The following PTPRD variants were observed in gnomAD, a reference collection of about 807,000 sequenced individuals.
PTPRD encodes protein tyrosine phosphatase receptor type D.
Under a neutral mutation model 214.5 loss-of-function variants are expected in PTPRD, and 34 were observed. That is an observed-to-expected ratio of 0.16 (90% CI 0.12 to 0.21). The LOEUF is 0.21. Ranked by LOEUF, PTPRD falls within the 10% of genes least tolerant of loss-of-function variation. PTPRD has a pLI of 1.00. For synonymous variants in PTPRD, 1,128 were observed against 845.7 expected (o/e 1.33, Z -5.79); for missense variants, 2,545 against 2,398.7 (o/e 1.06, Z -1.27).
chr9:9,598,979 C>T lies in PTPRD; in HGVS notation c.-286-24198G>A, dbSNP rs138643523. On this transcript the variant is annotated intron_variant, in intron 7 of 45. Coordinates refer to ENST00000381196, the MANE Select transcript of PTPRD (RefSeq NM_002839.4). ...CTAAGCCCCTCATATTGTACTCTTT[C>T]GAACTAATACATGAGAATAATATTT... Among the ~76,000 whole-genome samples the T allele has an allele frequency of 5.6e-4, 85 of 151,990 alleles. No homozygotes were observed. The East Asian group carries it at 0.014, about 25-fold the overall frequency.
chr9:8,379,566 G>A (rs901840758), intron 37 of PTPRD, among the ~76,000 whole-genome samples: 1 of 152,098 alleles, frequency 6.6e-6, no homozygotes, highest in Admixed American at 6.6e-5. Context: ...TTCCTCATTA[G>A]CCAGTATAAA....
chr9:8,554,533 A>C (rs1360041100), intron 14 of PTPRD, among the ~76,000 whole-genome samples: 3 of 152,204 alleles, frequency 2.0e-5, no homozygotes, highest in Admixed American at 6.5e-5. Flanking sequence ...CATAAAAAGA[A>C]GAAAAGTGGT....
At chr9:9,592,509 G>A (rs891884392) in intron 7 of PTPRD, among the ~76,000 whole-genome samples, 6 of 151,974 alleles carry the variant, frequency 3.9e-5, no homozygotes, top group Admixed American at 1.3e-4. Flanking sequence ...GTAGGAGAAG[G>A]TAATAAAAAC....
chr9:9,075,261 C>G (rs2099749373), intron 10 of PTPRD, among the ~76,000 whole-genome samples: 1 of 151,922 alleles, frequency 6.6e-6, no homozygotes, highest in Non-Finnish European at 1.5e-5. Flanking sequence ...ATGGGTATAT[C>G]CCATCACCTC....
chr9:10,536,143 C>T (rs1010552620), intron 2 of PTPRD, among the ~76,000 whole-genome samples: 1 of 152,072 alleles, frequency 6.6e-6, no homozygotes, highest in African/African-American at 2.4e-5. Flanking sequence ...TCTTCAGAGG[C>T]AGGACCAAGG....
intron 7 of PTPRD, among the ~76,000 whole-genome samples, chr9:9,639,618 T>C (rs2095873338): frequency 6.6e-6 from 1 of 152,298 alleles, no homozygotes; most frequent in South Asian, 2.1e-4. Flanking sequence ...ATTTTATAAA[T>C]AAAATTGTAT....
rs377108589 is a variant in PTPRD, at chr9:8,316,097, C to G, written c.*1777G>C. ...AAGGGAATATAAATAAAACAAGTAG[C>G]TTTTTCTGATGTTGATGATTGATTA... On this transcript the variant is annotated 3_prime_UTR_variant, in exon 46 of 46. Transcript: ENST00000381196. 1.3e-5 allele frequency: 3 copies of G among 229,652 alleles called. No individual in the cohort carries two copies. The highest frequency in any genetic ancestry group is 6.2e-5 in the East Asian group (1 of 16,128). 14.2% of individuals were successfully genotyped at this position (229,652 alleles called of 1,614,324 possible). A position where few individuals can be genotyped will look rare whatever the true frequency, so the allele number is the denominator to read the frequency against.
intron 10 of PTPRD, among the ~76,000 whole-genome samples, chr9:9,092,600 A>G (rs1329496237): frequency 6.6e-6 from 1 of 152,106 alleles, no homozygotes; most frequent in South Asian, 2.1e-4. Context: ...CTATTCACTT[A>G]TAACACATGA....
chr9:9,066,666 G>C (rs979531126), intron 10 of PTPRD, among the ~76,000 whole-genome samples: 3 of 152,124 alleles, frequency 2.0e-5, no homozygotes, highest in African/African-American at 4.8e-5. Flanking sequence ...TTGTAAGAGA[G>C]AGGCAGACGA....
At chr9:9,184,279 T>A (rs571700496) in intron 9 of PTPRD, among the ~76,000 whole-genome samples, 3 of 152,052 alleles carry the variant, frequency 2.0e-5, no homozygotes, top group Non-Finnish European at 4.4e-5. Context: ...CACCAAAACA[T>A]TTCCCTTTTC....
intron 9 of PTPRD, among the ~76,000 whole-genome samples, chr9:9,321,223 G>A (rs1427433180): frequency 1.3e-5 from 2 of 152,132 alleles, no homozygotes; most frequent in Non-Finnish European, 2.9e-5. Context: ...GGGCCCTAAA[G>A]ACATTTAAAA....
chr9:9,303,402 A>G (rs1956132070), intron 9 of PTPRD, among the ~76,000 whole-genome samples: 1 of 152,020 alleles, frequency 6.6e-6, no homozygotes, highest in South Asian at 2.1e-4. Flanking sequence ...ATTCAAGTAG[A>G]TTACATGCAT....
chr9:8,630,030 A>G (rs1374369276), intron 14 of PTPRD, among the ~76,000 whole-genome samples: 7 of 151,850 alleles, frequency 4.6e-5, no homozygotes, highest in Non-Finnish European at 7.4e-5. Context: ...CATACAGGTC[A>G]GATATTTGAA....
At chr9:8,952,096 A>G (rs566835591) in intron 11 of PTPRD, among the ~76,000 whole-genome samples, 2 of 152,004 alleles carry the variant, frequency 1.3e-5, no homozygotes, top group African/African-American at 4.8e-5. Context: ...TCTCTGATTA[A>G]TGTTCTCTGT....
intron 35 of PTPRD, among the ~76,000 whole-genome samples, chr9:8,426,185 A>G (rs1203756186): frequency 1.3e-5 from 2 of 152,186 alleles, no homozygotes; most frequent in Non-Finnish European, 2.9e-5. Flanking sequence ...CCAGGTGCCT[A>G]ACATATATTC....
intron 11 of PTPRD, among the ~76,000 whole-genome samples, chr9:8,949,110 G>A (rs1170396880): frequency 6.6e-6 from 1 of 151,186 alleles, no homozygotes; most frequent in African/African-American, 2.4e-5. Flanking sequence ...TGTAATCCCA[G>A]CTACTCAGGA....
chr9:9,602,641 T>C (rs1014841752), intron 7 of PTPRD, among the ~76,000 whole-genome samples: 6 of 152,220 alleles, frequency 3.9e-5, no homozygotes, highest in Admixed American at 1.3e-4. Flanking sequence ...TTTTTCATTA[T>C]TACAAAAAAT....
chr9:9,391,834 C>A (rs901303040), intron 9 of PTPRD, among the ~76,000 whole-genome samples: 3 of 152,156 alleles, frequency 2.0e-5, no homozygotes, highest in Non-Finnish European at 4.4e-5. Context: ...AAAGTTTCTT[C>A]TACACACCGT....
At chr9:9,588,879 G>T (rs550096481) in intron 7 of PTPRD, among the ~76,000 whole-genome samples, 1 of 151,878 alleles carries the variant, frequency 6.6e-6, no homozygotes, top group African/African-American at 2.4e-5. Flanking sequence ...TATTCTTATA[G>T]TTGGGTTCAA....
Sources: allele counts gnomAD v4.1 joint callset (sites outside exome capture counted in the v4.1 genomes callset), GRCh38; gene constraint gnomAD v4.1.1; transcripts MANE v1.5; gene names NCBI Gene and HGNC (gene_info 2026-07-23, HGNC 2026-07-21).